Variants in MGMT observed in about 807,000 individuals in gnomAD.
MGMT encodes the protein methylated-DNA--protein-cysteine methyltransferase.
A neutral mutation model predicts 15.9 loss-of-function variants in MGMT; 14 were observed. That is an observed-to-expected ratio of 0.88 (90% CI 0.58 to 1.37). The LOEUF is 1.37. Ranked by LOEUF, MGMT falls within the 40% of genes most tolerant of loss-of-function variation. MGMT has a pLI of 0.00. For missense variants in MGMT, 282 were observed against 268.1 expected, an observed-to-expected ratio of 1.05 and a Z score of -0.36; for synonymous variants, 130 against 118.2, an observed-to-expected ratio of 1.10 and a Z score of -0.65.
In MGMT at chr10:129,533,879, T is replaced by A. The variant is rs936212749; in HGVS notation, c.-12-2362T>A. 4.6e-5 allele frequency among the ~76,000 whole-genome samples: 7 copies of A among 151,944 alleles called. No individual in the cohort carries two copies. Among genetic ancestry groups the A allele is most frequent in the African/African-American group, 1.7e-4 (7 of 41,360 alleles). Reference sequence around the variant, plus strand: ...ATGGAGATGGGAGAAGGGGAGGCAGTCACTTTGGAAGAATGGGCGGGATGG... The same window carrying A: ...ATGGAGATGGGAGAAGGGGAGGCAGACACTTTGGAAGAATGGGCGGGATGG... On this transcript the variant is annotated intron_variant, in intron 1 of 4. Coordinates refer to ENST00000651593, the MANE Select transcript of MGMT (RefSeq NM_002412.5). The surrounding 1 kb of genome is among the most constrained non-coding windows in gnomAD (Gnocchi z 4.5).
At chr10:129,538,588 A>G (rs1846010484) in intron 2 of MGMT, among the ~76,000 whole-genome samples, 1 of 151,418 alleles carries the variant, frequency 6.6e-6, no homozygotes, top group African/African-American at 2.4e-5. Flanking sequence ...AGTCTTGGCC[A>G]TTCCTATGTT....
At chr10:129,743,572 A>C (rs930136812) in intron 3 of MGMT, among the ~76,000 whole-genome samples, 2 of 152,168 alleles carry the variant, frequency 1.3e-5, no homozygotes, top group Non-Finnish European at 2.9e-5. Context: ...TCCATGCCCC[A>C]GTCTGGCACC....
chr10:129,547,308 C>A (rs1222863050), intron 2 of MGMT, among the ~76,000 whole-genome samples: 1 of 152,040 alleles, frequency 6.6e-6, no homozygotes, highest in African/African-American at 2.4e-5. Flanking sequence ...TCACTGAGGA[C>A]CTCTGAGAAC....
At chr10:129,670,706 G>A (rs570415001) in intron 2 of MGMT, among the ~76,000 whole-genome samples, 8 of 152,154 alleles carry the variant, frequency 5.3e-5, no homozygotes, top group African/African-American at 1.7e-4. Flanking sequence ...GATTATGAAG[G>A]ACATATTATA....
At chr10:129,664,997 A>T (rs1847640681) in intron 2 of MGMT, among the ~76,000 whole-genome samples, 1 of 152,214 alleles carries the variant, frequency 6.6e-6, no homozygotes, top group Non-Finnish European at 1.5e-5. Flanking sequence ...AAAATGCTGA[A>T]TTACAGCCAC....
chr10:129,694,951 G>GA (rs1848013480), intron 2 of MGMT, among the ~76,000 whole-genome samples: 1 of 152,174 alleles, frequency 6.6e-6, no homozygotes, highest in Non-Finnish European at 1.5e-5. Flanking sequence ...TAGTACTCTG[G>GA]AAAAAAGATT....
chr10:129,527,872 T>C (rs1025943742), intron 1 of MGMT, among the ~76,000 whole-genome samples: 3 of 152,120 alleles, frequency 2.0e-5, no homozygotes, highest in Non-Finnish European at 2.9e-5. Flanking sequence ...TTCTGCTCCT[T>C]AATGCTCTGT....
intron 1 of MGMT, among the ~76,000 whole-genome samples, chr10:129,495,055 A>G (rs2119664361): frequency 6.6e-6 from 1 of 152,384 alleles, no homozygotes; most frequent in African/African-American, 2.4e-5. Flanking sequence ...AAATAAACTC[A>G]GGATATTACC....
intron 3 of MGMT, among the ~76,000 whole-genome samples, chr10:129,718,736 C>T (rs1848330847): frequency 6.6e-6 from 1 of 152,098 alleles, no homozygotes; most frequent in South Asian, 2.1e-4. Context: ...GTCTGCATGC[C>T]TGCTAAGGCG....
chr10:129,636,253 C>T (rs1202783054), intron 2 of MGMT, among the ~76,000 whole-genome samples: 6 of 152,320 alleles, frequency 3.9e-5, no homozygotes, highest in Admixed American at 1.3e-4. Flanking sequence ...TCTAGATCGT[C>T]ACCTCTGAAC....
chr10:129,708,168 G>A (rs1469365484), intron 3 of MGMT, 125 bp downstream of exon 3: 6 of 1,329,074 alleles, frequency 4.5e-6, no homozygotes, highest in East Asian at 2.3e-5. Flanking sequence ...AACAGAGGCA[G>A]CGTTTGGCCG....
intron 3 of MGMT, among the ~76,000 whole-genome samples, chr10:129,721,656 G>C (rs1848372842): frequency 6.6e-6 from 1 of 152,134 alleles, no homozygotes; most frequent in South Asian, 2.1e-4. Flanking sequence ...GAAATACATT[G>C]TTCTAAGTTT....
At chr10:129,757,016 G>A (rs756065769) in intron 3 of MGMT, among the ~76,000 whole-genome samples, 2 of 152,216 alleles carry the variant, frequency 1.3e-5, no homozygotes, top group Non-Finnish European at 2.9e-5. Flanking sequence ...TGCTCTTTGA[G>A]AGCTGCTTCA....
intron 2 of MGMT, among the ~76,000 whole-genome samples, chr10:129,691,263 C>G (rs74778840): frequency 0.15 from 23,077 of 152,194 alleles, 2,104 homozygotes; most frequent in African/African-American, 0.23. Flanking sequence ...CTGTCCCCTG[C>G]CGGTCCTCAG....
At chr10:129,525,618 T>C (rs1218417667) in intron 1 of MGMT, among the ~76,000 whole-genome samples, 1 of 152,128 alleles carries the variant, frequency 6.6e-6, no homozygotes, top group East Asian at 1.9e-4. Context: ...AGAAAGGTGC[T>C]GTGCGGTGCG....
rs137949593 is a variant in MGMT, at chr10:129,634,809, A to G, written c.126-73086A>G. Among the ~76,000 whole-genome samples, 26 of 152,124 alleles carry G rather than the reference A, an allele frequency of 1.7e-4. No individual in the cohort carries two copies. The East Asian group carries it at 2.7e-3, about 16-fold the overall frequency. On this transcript the variant is annotated intron_variant, in intron 2 of 4. Transcript: ENST00000651593. ...CTGAGTTAGTTTTAGGTCCATTTCA[A>G]TTGACTGGTGTATTTCTTCGTAATG...
chr10:129,665,722 C>T (rs1847651683), intron 2 of MGMT, among the ~76,000 whole-genome samples: 1 of 152,076 alleles, frequency 6.6e-6, no homozygotes, highest in Non-Finnish European at 1.5e-5. Flanking sequence ...TCAAAACTTA[C>T]AGAACTAAAC....
intron 3 of MGMT, chr10:129,715,570 T>G (rs12763287): frequency 0.12 from 17,951 of 152,298 alleles, 1,380 homozygotes; most frequent in Non-Finnish European, 0.17. Context: ...CCTTCGTCTC[T>G]TTTGTCGTCA....
At position 129,706,210 on chromosome 10, in the gene MGMT, G is replaced by A. The variant is rs151048663; in HGVS notation, c.126-1685G>A. Among the ~76,000 whole-genome samples, 53 of 152,288 alleles carry A rather than the reference G, an allele frequency of 3.5e-4. No individual in the cohort carries two copies. In the East Asian group the frequency reaches 9.9e-3, roughly 28 times the overall value. On this transcript the variant is annotated intron_variant, in intron 2 of 4. Coordinates refer to ENST00000651593, the MANE Select transcript of MGMT (RefSeq NM_002412.5). ...CCCGAGGCCTCCACTCTGCGTCTAC[G>A]TTCACACTGTCTGTCCTACGTCCGG... is the stretch of plus-strand genomic sequence containing the variant.
Sources: allele counts gnomAD v4.1 joint callset (sites outside exome capture counted in the v4.1 genomes callset), GRCh38; gene constraint gnomAD v4.1.1; non-coding constraint Gnocchi (gnomAD v3.1); transcripts MANE v1.5; gene names NCBI Gene and HGNC (gene_info 2026-07-23, HGNC 2026-07-21).